Variants in SMURF1 observed in about 807,000 individuals in gnomAD.
SMURF1 encodes SMAD specific E3 ubiquitin protein ligase 1.
In SMURF1, 44 loss-of-function variants were observed where a neutral mutation model predicts 98.0. The ratio of observed to expected loss-of-function variants is 0.45; its 90% CI spans 0.35 to 0.58. The LOEUF (loss-of-function observed/expected upper bound fraction) is 0.58, where lower values mean the gene tolerates loss of function less well. Among genes scored for constraint, SMURF1 ranks in the 20% least tolerant of loss-of-function variants. The probability of loss-of-function intolerance (pLI) is 0.00; values close to 1 mark genes in which losing one functional copy is unlikely to be tolerated. For synonymous variants in SMURF1, 396 were observed against 374.9 expected (o/e 1.06, Z -0.65); for missense variants, 687 against 938.4 (o/e 0.73, Z 3.50).
At chr7:99,054,886 T>C (rs367796949) in intron 5 of SMURF1, 21 bp from the exon 6 acceptor site, 270 of 1,612,456 alleles carry the variant, frequency 1.7e-4, no homozygotes, top group Non-Finnish European at 2.2e-4. Context: ...AAAGAACGAC[T>C]TGTGTTAAAA....
At chr7:99,102,813 CATTTTTTTG>C (rs1797115348) in intron 1 of SMURF1, among the ~76,000 whole-genome samples, 1 of 151,956 alleles carries the variant, frequency 6.6e-6, no homozygotes, top group Admixed American at 6.6e-5. Flanking sequence ...CTTACAACTG[CATTTTTTTG>C]GTTTTTTTGT....
intron 1 of SMURF1, among the ~76,000 whole-genome samples, chr7:99,065,445 G>C (rs1402837377): frequency 6.6e-6 from 1 of 151,938 alleles, no homozygotes; most frequent in East Asian, 1.9e-4. Context: ...GGATTCTTCG[G>C]GTATTTTTTG....
chr7:99,077,050 A>C (rs532416185), intron 1 of SMURF1, among the ~76,000 whole-genome samples: 15 of 152,076 alleles, frequency 9.9e-5, no homozygotes, highest in Admixed American at 9.8e-4. Context: ...TTTTTGGTAA[A>C]ATTGTGTGTA....
intron 1 of SMURF1, among the ~76,000 whole-genome samples, chr7:99,133,725 A>G (rs899112830): frequency 1.3e-5 from 2 of 152,250 alleles, no homozygotes; most frequent in Non-Finnish European, 1.5e-5. Context: ...TCCAAACAGC[A>G]CTAGTCTTAA....
chr7:99,030,756 C>T, intron 17 of SMURF1, 73 bp from the exon 18 acceptor site: 3 of 1,154,832 alleles, frequency 2.6e-6, no homozygotes, highest in South Asian at 1.3e-5. Context: ...CAAGGACAGG[C>T]AGTGAGAAGT....
intron 10 of SMURF1, among the ~76,000 whole-genome samples, chr7:99,046,362 G>GTGTT (rs906609429): frequency 1.3e-5 from 2 of 152,182 alleles, no homozygotes; most frequent in African/African-American, 4.8e-5. Flanking sequence ...AAGCCGCTAC[G>GTGTT]TGTTTATAGA....
chr7:99,052,271 C>G lies in SMURF1; in HGVS notation c.655G>C (p.Gly219Arg). The change falls in exon 7 of 18, where the codon GGT becomes CGT. Residue 219 changes from glycine to arginine, a missense_variant. Physicochemically the swap from Gly to Arg is moderately radical, Grantham distance 125 (BLOSUM62 -2). Coordinates refer to ENST00000361368, the MANE Select transcript of SMURF1 (RefSeq NM_181349.3). Reference protein sequence around the residue: ...AQRLRNPDVRGSLQTPQNRPH... With the variant: ...AQRLRNPDVRRSLQTPQNRPH... The stretch of plus-strand genomic sequence containing the variant: ...CGGTTCTGGGGCGTCTGTAGTGAAC[C>G]TCGCACATCAGGGTTTCGAAGCCGC... The G allele has an allele frequency of 6.2e-7, 1 of 1,611,342 alleles. No homozygotes were observed. The highest frequency in any genetic ancestry group is 8.5e-7 in the Non-Finnish European group (1 of 1,178,604).
intron 1 of SMURF1, among the ~76,000 whole-genome samples, chr7:99,118,869 C>T (rs1797522879): frequency 6.6e-6 from 1 of 151,892 alleles, no homozygotes; most frequent in Admixed American, 6.6e-5. Context: ...TTTATTTCTG[C>T]ATTGTTATTT....
At chr7:99,088,670 C>T (rs1019511349) in intron 1 of SMURF1, among the ~76,000 whole-genome samples, 6 of 152,076 alleles carry the variant, frequency 3.9e-5, no homozygotes, top group Admixed American at 6.5e-5. Context: ...AGAATAGTAT[C>T]GTAGGAATGG....
chr7:99,032,281 A>C (rs185392509), intron 17 of SMURF1, among the ~76,000 whole-genome samples: 1 of 152,380 alleles, frequency 6.6e-6, no homozygotes, highest in East Asian at 1.9e-4. Flanking sequence ...GGGACGCTGC[A>C]AAGTACTTGT....
intron 1 of SMURF1, among the ~76,000 whole-genome samples, chr7:99,077,249 TTAAAA>T (rs1247123046): frequency 2.6e-5 from 4 of 151,902 alleles, no homozygotes; most frequent in African/African-American, 9.7e-5. Flanking sequence ...ACTTTTTATA[TTAAAA>T]TATTAGTGAC....
intron 11 of SMURF1, among the ~76,000 whole-genome samples, chr7:99,044,881 A>G (rs1190880792): frequency 2.0e-5 from 3 of 152,386 alleles, no homozygotes; most frequent in East Asian, 1.9e-4. Flanking sequence ...CACACCTGCA[A>G]TCTCAGCACT....
chr7:99,078,682 C>T (rs970888367), intron 1 of SMURF1, among the ~76,000 whole-genome samples: 1 of 152,316 alleles, frequency 6.6e-6, no homozygotes, highest in South Asian at 2.1e-4. Context: ...GAGCATGAAC[C>T]CTGTTGTGAA....
chr7:99,069,631 C>T (rs951207691), intron 1 of SMURF1, among the ~76,000 whole-genome samples: 11 of 152,280 alleles, frequency 7.2e-5, no homozygotes, highest in Non-Finnish European at 1.5e-4. Context: ...TGCTGTGCCA[C>T]TTCCAAGGCC....
chr7:99,042,435 G>A (rs1054303323), intron 11 of SMURF1, among the ~76,000 whole-genome samples: 2 of 152,106 alleles, frequency 1.3e-5, no homozygotes, highest in Admixed American at 6.5e-5. Context: ...CACCAGGCCC[G>A]GCTATTTTCT....
At chr7:99,082,908 C>A (rs955798196) in intron 1 of SMURF1, among the ~76,000 whole-genome samples, 1 of 152,120 alleles carries the variant, frequency 6.6e-6, no homozygotes, top group African/African-American at 2.4e-5. Flanking sequence ...TTTCTTTCCA[C>A]GATATTTTAG....
chr7:99,068,458 T>C (rs1223736811), intron 1 of SMURF1, among the ~76,000 whole-genome samples: 2 of 152,050 alleles, frequency 1.3e-5, no homozygotes, highest in Non-Finnish European at 2.9e-5. Context: ...GCTCAGCTAA[T>C]TTTCCTATTT....
At position 99,042,214 on chromosome 7, in the gene SMURF1, C is replaced by G; in HGVS notation, c.1275G>C (p.Leu425=). 1 of 1,613,572 alleles carries G rather than the reference C, an allele frequency of 6.2e-7. No homozygotes were observed. Among genetic ancestry groups the G allele is most frequent in the East Asian group, 2.2e-5 (1 of 44,878 alleles). ...GGVAREWLYL[L]CHEMLNPYYG... ...AATAAGGATTCAGCATTTCATGGCA[C>G]AGCAAGTAAAGCCACTCCCTGGGAG... Residue 425 remains leucine, a synonymous_variant, in exon 12 of 18, where the codon CTG becomes CTC. Transcript: ENST00000361368.
At chr7:99,136,114 A>C (rs1048639921) in intron 1 of SMURF1, among the ~76,000 whole-genome samples, 2 of 152,216 alleles carry the variant, frequency 1.3e-5, no homozygotes, top group African/African-American at 2.4e-5. Context: ...GCTTGAGCCC[A>C]GGAGTTCCAG....
Sources: allele counts gnomAD v4.1 joint callset (sites outside exome capture counted in the v4.1 genomes callset), GRCh38; gene constraint gnomAD v4.1.1; transcripts MANE v1.5; gene names NCBI Gene and HGNC (gene_info 2026-07-23, HGNC 2026-07-21).